Variants in STK31 observed in about 807,000 individuals in gnomAD.
STK31 encodes serine/threonine-protein kinase 31.
A neutral mutation model predicts 129.7 loss-of-function variants in STK31; 89 were observed. That is an observed-to-expected ratio of 0.69 (90% CI 0.58 to 0.82). STK31 has a LOEUF of 0.82. Ranked by LOEUF, STK31 falls within the 40% of genes least tolerant of loss-of-function variation. The pLI is 0.00. For missense variants in STK31, 1,187 were observed against 1,176.4 expected, an observed-to-expected ratio of 1.01 and a Z score of -0.13; for synonymous variants, 448 against 395.3, an observed-to-expected ratio of 1.13 and a Z score of -1.58.
At chr7:23,729,933 G>A (rs1196628792) in intron 6 of STK31, among the ~76,000 whole-genome samples, 1 of 152,184 alleles carries the variant, frequency 6.6e-6, no homozygotes, top group Non-Finnish European at 1.5e-5. Flanking sequence ...CCACAAATTT[G>A]AAATTAATGG....
chr7:23,726,821 TC>T (rs1787114656), intron 4 of STK31, among the ~76,000 whole-genome samples: 1 of 152,128 alleles, frequency 6.6e-6, no homozygotes, highest in Non-Finnish European at 1.5e-5. Context: ...AAATATGAAT[TC>T]CACTATAGTT....
chr7:23,806,099 A>G (rs930431154), intron 22 of STK31, among the ~76,000 whole-genome samples: 7 of 152,332 alleles, frequency 4.6e-5, no homozygotes, highest in Non-Finnish European at 1.0e-4. Context: ...ACTGAAGCCA[A>G]TGATGAACAA....
intron 22 of STK31, among the ~76,000 whole-genome samples, chr7:23,802,661 C>T (rs957502806): frequency 2.0e-5 from 3 of 152,068 alleles, no homozygotes; most frequent in Non-Finnish European, 4.4e-5. Flanking sequence ...TTATAGGCAC[C>T]CGCCACCACA....
At chr7:23,805,084 T>C (rs930779210) in intron 22 of STK31, among the ~76,000 whole-genome samples, 2,147 of 151,738 alleles carry the variant, frequency 0.014, 40 homozygotes, top group African/African-American at 0.049. Context: ...TCTCTCTCTT[T>C]TTTTTTTTTG....
At position 23,781,502 on chromosome 7, in the gene STK31, T is replaced by G; in HGVS notation, c.2049T>G (p.Tyr683Ter). Residue 683 changes from tyrosine (Y) to a stop codon, truncating the protein, a stop_gained, in exon 16 of 24, where the codon TAT (tyrosine) becomes TAG (stop). Transcript: ENST00000355870. LOFTEE classifies it high-confidence loss of function. ...QLRNNVFQEI[Y>*]HEREEYEMLT... ...GCAATAATGTCTTTCAGGAAATTTA[T>G]CATGAGAGAGAGGAATATGTAAGTA... 2.5e-6 allele frequency: 4 copies of G among 1,608,956 alleles called. No individual in the cohort carries two copies. Among genetic ancestry groups the G allele is most frequent in the Non-Finnish European group, 2.5e-6 (3 of 1,177,882 alleles).
chr7:23,733,591 G>A (rs1787554773), intron 6 of STK31, among the ~76,000 whole-genome samples: 1 of 151,822 alleles, frequency 6.6e-6, no homozygotes, highest in African/African-American at 2.4e-5. Flanking sequence ...GGCGGATCAC[G>A]AGGTCAGGAG....
chr7:23,824,887 T>A (rs1211658393), intron 23 of STK31, among the ~76,000 whole-genome samples: 1 of 151,988 alleles, frequency 6.6e-6, no homozygotes, highest in Non-Finnish European at 1.5e-5. Context: ...TCTGTTTATA[T>A]GCTGGATTAC....
chr7:23,724,309 CT>C (rs1786916066), intron 4 of STK31, among the ~76,000 whole-genome samples: 1 of 152,174 alleles, frequency 6.6e-6, no homozygotes, highest in South Asian at 2.1e-4. Context: ...AGGTCAACTC[CT>C]TGCGGAAGGA....
chr7:23,824,389 ACT>A (rs1338276619), intron 23 of STK31, among the ~76,000 whole-genome samples: 1 of 151,420 alleles, frequency 6.6e-6, no homozygotes, highest in Non-Finnish European at 1.5e-5. Flanking sequence ...TGATGATTTG[ACT>A]CTCTGTTTGT....
intron 5 of STK31, among the ~76,000 whole-genome samples, chr7:23,728,177 C>T (rs908036325): frequency 7.1e-6 from 1 of 140,162 alleles, no homozygotes; most frequent in Admixed American, 8.0e-5. Context: ...GTGACAGTTG[C>T]ATATTGCAGG....
At chr7:23,768,209 T>A (rs752887626) in intron 11 of STK31, among the ~76,000 whole-genome samples, 7 of 152,178 alleles carry the variant, frequency 4.6e-5, no homozygotes, top group Admixed American at 2.6e-4. Context: ...AGGCAATCAT[T>A]GTTACAATTG....
At chr7:23,727,173 A>G (rs1787138264) in intron 4 of STK31, 68 bp from the exon 5 acceptor site, 2 of 1,294,236 alleles carry the variant, frequency 1.5e-6, no homozygotes, top group African/African-American at 2.9e-5. Flanking sequence ...CTTAAATGCT[A>G]ACCTTTATTC....
intron 22 of STK31, among the ~76,000 whole-genome samples, chr7:23,796,699 C>T (rs1264253382): frequency 2.6e-5 from 4 of 152,180 alleles, no homozygotes; most frequent in Non-Finnish European, 5.9e-5. Context: ...CCCTTAAACG[C>T]TGGCAACCAC....
At chr7:23,728,134 A>T (rs1187132571) in intron 5 of STK31, among the ~76,000 whole-genome samples, 1 of 111,432 alleles carries the variant, frequency 9.0e-6, no homozygotes, top group Non-Finnish European at 1.7e-5. Context: ...TTTTAAGAGG[A>T]TTTAGGGAGA....
At chr7:23,750,175 A>G (rs892836710) in intron 8 of STK31, among the ~76,000 whole-genome samples, 1 of 150,548 alleles carries the variant, frequency 6.6e-6, no homozygotes, top group Non-Finnish European at 1.5e-5. Flanking sequence ...AAATTCACAA[A>G]AGCATGGGGG....
chr7:23,763,537 A>G (rs556125290), intron 11 of STK31, among the ~76,000 whole-genome samples: 8 of 152,222 alleles, frequency 5.3e-5, no homozygotes, highest in South Asian at 4.1e-4. Context: ...ATTTTTCTCT[A>G]TAAGTCCTCA....
chr7:23,825,356 TTTCTTC>T (rs1237758771), intron 23 of STK31, among the ~76,000 whole-genome samples: 1 of 152,252 alleles, frequency 6.6e-6, no homozygotes, highest in African/African-American at 2.4e-5. Flanking sequence ...AATTCAACCA[TTTCTTC>T]TAGATTTTCT....
chr7:23,821,921 A>G lies in STK31; in HGVS notation c.2829+6709A>G, dbSNP rs144268224. Among the ~76,000 whole-genome samples the G allele has an allele frequency of 1.4e-3, 207 of 152,132 alleles. 3 individuals are homozygous for G. Among genetic ancestry groups the G allele is most frequent in the East Asian group, 1.3e-3 (7 of 5,192 alleles). ...TTATTGAAGTGGGTGTCTTTTCCCC[A>G]GTATATGTTCTTGGTGCCTTTGTGG... On this transcript the variant is annotated intron_variant, in intron 23 of 23. Transcript: ENST00000355870.
chr7:23,811,564 C>G lies in STK31; in HGVS notation c.2761-3580C>G, dbSNP rs151027453. 9 of 212,624 alleles carry G rather than the reference C, an allele frequency of 4.2e-5. No homozygotes were observed. In the East Asian group the frequency reaches 1.0e-3, roughly 24 times the overall value. The allele number at this position is 212,624 out of a possible 1,614,324, so 13.2% of individuals were successfully genotyped here. A position where few individuals can be genotyped will look rare whatever the true frequency, so the allele number is the denominator to read the frequency against. On this transcript the variant is annotated intron_variant, in intron 22 of 23. Transcript: ENST00000355870. The stretch of plus-strand genomic sequence containing the variant: ...CCTATGTCTTACTGACCATCTTCCT[C>G]TCCCCCTCCAGGCACAGCCTGTTTG...
Sources: allele counts gnomAD v4.1 joint callset (sites outside exome capture counted in the v4.1 genomes callset), GRCh38; gene constraint gnomAD v4.1.1; transcripts MANE v1.5; gene names NCBI Gene and HGNC (gene_info 2026-07-23, HGNC 2026-07-21).